The following COX7B2 variants were observed in gnomAD, a reference collection of about 807,000 sequenced individuals.
The protein encoded by COX7B2 is cytochrome c oxidase subunit 7B2, mitochondrial.
For missense variants in COX7B2, 109 were observed against 95.9 expected (o/e 1.14, Z -0.57); for synonymous variants, 37 against 32.1 (o/e 1.15, Z -0.51).
chr4:46,817,764 C>G (rs926765853), intron 2 of COX7B2, among the ~76,000 whole-genome samples: 1 of 152,084 alleles, frequency 6.6e-6, no homozygotes. Context: ...AAAACCGGGA[C>G]AGCTGAAAGA....
intron 2 of COX7B2, among the ~76,000 whole-genome samples, chr4:46,805,059 G>A (rs1718922975): frequency 6.6e-6 from 1 of 152,150 alleles, no homozygotes; most frequent in Non-Finnish European, 1.5e-5. Flanking sequence ...ACTGCCTGGG[G>A]CTGGCGGGGC....
In COX7B2 at chr4:46,889,143, G is replaced by GATAA. The variant is rs149817310; in HGVS notation, c.-105+20013_-105+20016dup. ...CAAATTTAAATTTTAAAAATATAAT[G>GATAA]ATAAATTTAAAAAAATCTAAGGAGA... On this transcript the variant is annotated intron_variant, in intron 1 of 2. Transcript: ENST00000355591. Among the ~76,000 whole-genome samples, 1,400 of 152,106 alleles carry GATAA rather than the reference G, an allele frequency of 9.2e-3. 18 individuals carry two copies. The highest frequency in any genetic ancestry group is 0.031 in the African/African-American group (1,305 of 41,462).
At chr4:46,783,040 T>A (rs1717566321) in intron 2 of COX7B2, among the ~76,000 whole-genome samples, 1 of 152,234 alleles carries the variant, frequency 6.6e-6, no homozygotes, top group Non-Finnish European at 1.5e-5. Context: ...AGTGATAACC[T>A]GATAATGCTA....
At chr4:46,858,134 C>A (rs920704461) in intron 1 of COX7B2, among the ~76,000 whole-genome samples, 1 of 152,174 alleles carries the variant, frequency 6.6e-6, no homozygotes, top group African/African-American at 2.4e-5. Flanking sequence ...CTCACTCTAA[C>A]CCAGGCTGGA....
intron 2 of COX7B2, among the ~76,000 whole-genome samples, chr4:46,786,199 G>T (rs1276515533): frequency 2.6e-5 from 4 of 152,138 alleles, no homozygotes; most frequent in African/African-American, 4.8e-5. Flanking sequence ...ATATTGGAAA[G>T]TATCTTGCCA....
chr4:46,749,895 C>T (rs918417527), intron 2 of COX7B2, among the ~76,000 whole-genome samples: 1 of 152,122 alleles, frequency 6.6e-6, no homozygotes, highest in African/African-American at 2.4e-5. Context: ...CTCCTCTGCA[C>T]AGAGAATTCT....
At chr4:46,867,267 C>A (rs1241382445) in intron 1 of COX7B2, among the ~76,000 whole-genome samples, 1 of 152,298 alleles carries the variant, frequency 6.6e-6, no homozygotes, top group East Asian at 1.9e-4. Flanking sequence ...GAAGATGGAC[C>A]TCCACTCTTC....
intron 1 of COX7B2, among the ~76,000 whole-genome samples, chr4:46,862,355 T>C (rs1226864277): frequency 6.6e-6 from 1 of 152,236 alleles, no homozygotes; most frequent in East Asian, 1.9e-4. Flanking sequence ...GTGAATTTTA[T>C]ATTGCTATCT....
chr4:46,800,434 G>A (rs1180385817), intron 2 of COX7B2, among the ~76,000 whole-genome samples: 3 of 151,950 alleles, frequency 2.0e-5, no homozygotes, highest in Non-Finnish European at 4.4e-5. Context: ...CAATGGGAAA[G>A]ATTAGACGAC....
chr4:46,879,111 CCTTTT>C (rs992881498), intron 1 of COX7B2, among the ~76,000 whole-genome samples: 9 of 151,874 alleles, frequency 5.9e-5, no homozygotes, highest in African/African-American at 2.2e-4. Context: ...ATTTTTTTCT[CCTTTT>C]CTTGATTTTT....
intron 2 of COX7B2, among the ~76,000 whole-genome samples, chr4:46,798,026 C>A (rs1390317602): frequency 1.3e-5 from 2 of 152,188 alleles, no homozygotes; most frequent in Admixed American, 6.5e-5. Flanking sequence ...ATCCCTTTCA[C>A]AAGCTTTCAT....
At chr4:46,798,356 T>G (rs1446316217) in intron 2 of COX7B2, among the ~76,000 whole-genome samples, 1 of 152,190 alleles carries the variant, frequency 6.6e-6, no homozygotes, top group Non-Finnish European at 1.5e-5. Flanking sequence ...CTCATTTACC[T>G]AGTGACCCAA....
intron 2 of COX7B2, among the ~76,000 whole-genome samples, chr4:46,737,118 T>A (rs1012143047): frequency 6.6e-6 from 1 of 152,162 alleles, no homozygotes; most frequent in Admixed American, 6.5e-5. Context: ...GCATTTGATG[T>A]TGTTAGTGTT....
At chr4:46,891,342 A>G (rs990707328) in intron 1 of COX7B2, among the ~76,000 whole-genome samples, 1 of 152,202 alleles carries the variant, frequency 6.6e-6, no homozygotes, top group African/African-American at 2.4e-5. Flanking sequence ...TAATGTAGGA[A>G]GTGAACACAT....
At chr4:46,820,834 A>T (rs3922626) in intron 2 of COX7B2, among the ~76,000 whole-genome samples, 70,002 of 129,172 alleles carry the variant, frequency 0.54, 19,463 homozygotes, top group Middle Eastern at 0.69. Context: ...AAAAAAAAAA[A>T]ATATATATAT....
intron 2 of COX7B2, among the ~76,000 whole-genome samples, chr4:46,737,168 T>C (rs1353640298): frequency 1.3e-5 from 2 of 152,170 alleles, no homozygotes; most frequent in East Asian, 3.9e-4. Flanking sequence ...AGGTGTTTCA[T>C]TTGCAGTTCC....
intron 2 of COX7B2, among the ~76,000 whole-genome samples, chr4:46,828,571 A>T (rs556924072): frequency 6.6e-6 from 1 of 152,198 alleles, no homozygotes; most frequent in Non-Finnish European, 1.5e-5. Context: ...GGTGCCAATC[A>T]TAAGAGATAA....
intron 2 of COX7B2, among the ~76,000 whole-genome samples, chr4:46,802,658 C>G (rs1370517397): frequency 6.6e-6 from 1 of 152,106 alleles, no homozygotes; most frequent in Non-Finnish European, 1.5e-5. Flanking sequence ...AATCAGCTCT[C>G]CAAAGGTTAG....
intron 2 of COX7B2, among the ~76,000 whole-genome samples, chr4:46,823,857 G>A (rs958077350): frequency 1.3e-5 from 2 of 150,160 alleles, no homozygotes; most frequent in East Asian, 2.0e-4. Flanking sequence ...CCTATAGCAA[G>A]ACTGATCAAA....
Sources: gnomAD v4.1 joint callset for allele counts (sites outside exome capture counted in the v4.1 genomes callset) on GRCh38, gnomAD v4.1.1 for gene constraint, MANE v1.5 for transcripts, NCBI Gene and HGNC (gene_info 2026-07-23, HGNC 2026-07-21) for gene names.